Variants in CTNNA2 observed in about 807,000 individuals in gnomAD.
CTNNA2 encodes the protein catenin alpha-2.
In CTNNA2, 42 loss-of-function variants were observed where a neutral mutation model predicts 101.0. The ratio of observed to expected loss-of-function variants is 0.42; its 90% CI spans 0.32 to 0.54. The LOEUF is 0.54. Ranked by LOEUF, CTNNA2 falls within the 20% of genes least tolerant of loss-of-function variation. The pLI, the probability that CTNNA2 is intolerant of heterozygous loss-of-function variation, is 0.14. For missense variants in CTNNA2, 871 were observed against 1,223.1 expected, an observed-to-expected ratio of 0.71 and a Z score of 4.29; for synonymous variants, 450 against 456.4, an observed-to-expected ratio of 0.99 and a Z score of 0.18.
At chr2:79,501,546 AT>A (rs368662518) in intron 4 of CTNNA2, among the ~76,000 whole-genome samples, 1 of 152,086 alleles carries the variant, frequency 6.6e-6, no homozygotes, top group Non-Finnish European at 1.5e-5. Context: ...GTGGGGAAAG[AT>A]TTTTTTTCTC....
intron 3 of CTNNA2, 82 bp from the exon 4 acceptor site, chr2:79,857,931 A>G: frequency 7.2e-7 from 1 of 1,396,934 alleles, no homozygotes; most frequent in East Asian, 2.3e-5. Context: ...TAAAAACAGT[A>G]ATTGTCCATT....
intron 4 of CTNNA2, among the ~76,000 whole-genome samples, chr2:79,868,222 G>T (rs1682293951): frequency 6.6e-6 from 1 of 152,084 alleles, no homozygotes; most frequent in Non-Finnish European, 1.5e-5. Context: ...GGGAAAAAAA[G>T]AAGACGCATG....
intron 9 of CTNNA2, among the ~76,000 whole-genome samples, chr2:80,457,459 A>G (rs539404750): frequency 2.9e-4 from 44 of 152,264 alleles, no homozygotes; most frequent in Non-Finnish European, 5.0e-4. Context: ...GTAAAAAAAG[A>G]AAGAAAAATG....
intron 7 of CTNNA2, among the ~76,000 whole-genome samples, chr2:80,137,635 T>C (rs976838302): frequency 6.6e-6 from 1 of 151,990 alleles, no homozygotes; most frequent in East Asian, 1.9e-4. Flanking sequence ...GGCAATGGGA[T>C]AGAATAAGTT....
chr2:79,386,527 A>C (rs1678107334), intron 4 of CTNNA2, among the ~76,000 whole-genome samples: 1 of 152,184 alleles, frequency 6.6e-6, no homozygotes, highest in South Asian at 2.1e-4. Flanking sequence ...GGTTCTTCTT[A>C]ATGAAAACAT....
intron 1 of CTNNA2, chr2:79,523,285 C>A: frequency 2.2e-6 from 1 of 448,210 alleles, no homozygotes; most frequent in Non-Finnish European, 4.5e-6. Context: ...CCCCAGGAGA[C>A]TGCTTCAAAG....
chr2:80,461,823 C>G (rs1328490969), intron 9 of CTNNA2, among the ~76,000 whole-genome samples: 1 of 152,148 alleles, frequency 6.6e-6, no homozygotes, highest in South Asian at 2.1e-4. Flanking sequence ...TATCCTCCCT[C>G]AGAAGAATGA....
chr2:79,884,048 C>G (rs1354439438), intron 6 of CTNNA2, among the ~76,000 whole-genome samples: 1 of 152,130 alleles, frequency 6.6e-6, no homozygotes, highest in Non-Finnish European at 1.5e-5. Context: ...AAAAGTGACA[C>G]CATTTGCAAA....
rs1238347141 is a variant in CTNNA2 at position 80,619,172 on chromosome 2, C to G, written c.2518C>G (p.Leu840Val). 6.3e-7 allele frequency: 1 copy of G among 1,583,168 alleles called. No homozygotes were observed. The change falls in exon 18 of 19, where the codon CTC becomes GTC. Residue 840 changes from leucine to valine, a missense_variant. Transcript: ENST00000402739. ...GGRASQLSTH[L>V]PTCAEGAPIG... Reference sequence around the variant, plus strand: ...CAGGGCTAGTCAACTTTCTACCCACCTCCCAACCTGTGCTGAGGGAGCTCC... The same window carrying G: ...CAGGGCTAGTCAACTTTCTACCCACGTCCCAACCTGTGCTGAGGGAGCTCC...
chr2:79,800,170 T>A (rs1211327896), intron 3 of CTNNA2, among the ~76,000 whole-genome samples: 1 of 152,230 alleles, frequency 6.6e-6, no homozygotes, highest in Non-Finnish European at 1.5e-5. Flanking sequence ...TGATTCTAAT[T>A]CAAATTTGAA....
chr2:79,781,500 C>T (rs921462137), intron 3 of CTNNA2, among the ~76,000 whole-genome samples: 6 of 152,170 alleles, frequency 3.9e-5, no homozygotes, highest in African/African-American at 1.2e-4. Context: ...ATGCCTATGA[C>T]ACTAGGAGCT....
At chr2:80,244,112 A>G (rs1020161667) in intron 7 of CTNNA2, among the ~76,000 whole-genome samples, 5 of 152,338 alleles carry the variant, frequency 3.3e-5, no homozygotes, top group Non-Finnish European at 4.4e-5. Context: ...CTATTTTGTG[A>G]GCTTACAAAT....
intron 4 of CTNNA2, among the ~76,000 whole-genome samples, chr2:79,392,519 T>A (rs923489838): frequency 6.6e-6 from 1 of 152,184 alleles, no homozygotes; most frequent in African/African-American, 2.4e-5. Flanking sequence ...TCCTTATGAG[T>A]CGTTTTCATC....
intron 1 of CTNNA2, among the ~76,000 whole-genome samples, chr2:79,616,245 T>A (rs1678607929): frequency 6.6e-6 from 1 of 152,154 alleles, no homozygotes; most frequent in Non-Finnish European, 1.5e-5. Context: ...AGATTTTTTT[T>A]AAAGTAGCAA....
At chr2:79,684,415 G>A (rs1197184715) in intron 2 of CTNNA2, among the ~76,000 whole-genome samples, 2 of 152,090 alleles carry the variant, frequency 1.3e-5, no homozygotes, top group African/African-American at 4.8e-5. Flanking sequence ...GTGAAAAACT[G>A]TAGTTTATTC....
chr2:80,271,142 A>G (rs766163690), intron 7 of CTNNA2, among the ~76,000 whole-genome samples: 19 of 152,346 alleles, frequency 1.2e-4, no homozygotes, highest in Non-Finnish European at 2.1e-4. Flanking sequence ...GTGCCAAGAC[A>G]CAAATCTAGG....
chr2:79,657,571 T>C (rs1681704164), intron 2 of CTNNA2, among the ~76,000 whole-genome samples: 1 of 151,822 alleles, frequency 6.6e-6, no homozygotes, highest in African/African-American at 2.4e-5. Flanking sequence ...ATTAATCATT[T>C]TTTAGAGAAT....
chr2:80,141,817 C>A (rs1013581940), intron 7 of CTNNA2, among the ~76,000 whole-genome samples: 15 of 151,112 alleles, frequency 9.9e-5, no homozygotes, highest in African/African-American at 3.4e-4. Flanking sequence ...CAGAAAGAAT[C>A]ATGGGATGTT....
At chr2:79,452,249 C>G (rs958300374) in intron 4 of CTNNA2, among the ~76,000 whole-genome samples, 2 of 152,048 alleles carry the variant, frequency 1.3e-5, no homozygotes, top group South Asian at 4.1e-4. Context: ...ACATCAGTCT[C>G]TAAGTGCCTA....
Sources: gnomAD v4.1 joint callset for allele counts (sites outside exome capture counted in the v4.1 genomes callset) on GRCh38, gnomAD v4.1.1 for gene constraint, MANE v1.5 for transcripts, NCBI Gene and HGNC (gene_info 2026-07-23, HGNC 2026-07-21) for gene names.